The following ADAMTS9 variants were observed in gnomAD, a reference collection of about 807,000 sequenced individuals.
ADAMTS9 encodes ADAM metallopeptidase with thrombospondin type 1 motif 9.
In ADAMTS9, 107 loss-of-function variants were observed where a neutral mutation model predicts 257.1. The ratio of observed to expected loss-of-function variants is 0.42; its 90% CI spans 0.36 to 0.49. ADAMTS9 has a LOEUF of 0.49. Among genes scored for constraint, ADAMTS9 ranks in the 20% least tolerant of loss-of-function variants. The pLI, the probability that ADAMTS9 is intolerant of heterozygous loss-of-function variation, is 0.03. For missense variants in ADAMTS9, 2,353 were observed against 2,469.1 expected (o/e 0.95, Z 1.00); for synonymous variants, 982 against 880.9 (o/e 1.11, Z -2.03).
intron 3 of ADAMTS9, among the ~76,000 whole-genome samples, chr3:64,660,148 C>T (rs1701188481): frequency 6.6e-6 from 1 of 152,178 alleles, no homozygotes; most frequent in African/African-American, 2.4e-5. Flanking sequence ...TGCTTTAATG[C>T]TTTAATGCCA....
chr3:64,681,736 G>A (rs571694663), intron 2 of ADAMTS9, among the ~76,000 whole-genome samples: 1 of 152,120 alleles, frequency 6.6e-6, no homozygotes, highest in East Asian at 1.9e-4. Flanking sequence ...TAGAGATGGG[G>A]GTCTCAATAT....
intron 14 of ADAMTS9, among the ~76,000 whole-genome samples, chr3:64,632,775 C>A (rs927936099): frequency 6.7e-6 from 1 of 150,028 alleles, no homozygotes; most frequent in South Asian, 2.1e-4. Flanking sequence ...CTTAGGGGCT[C>A]TTTCAATCAA....
At chr3:64,619,054 G>C (rs772973430) in intron 19 of ADAMTS9, among the ~76,000 whole-genome samples, 3 of 152,070 alleles carry the variant, frequency 2.0e-5, no homozygotes, top group Non-Finnish European at 2.9e-5. Flanking sequence ...CCTCAAATTG[G>C]TGCTCCATGG....
At chr3:64,610,011 T>A (rs1559790294) in intron 22 of ADAMTS9, among the ~76,000 whole-genome samples, 8 of 152,184 alleles carry the variant, frequency 5.3e-5, no homozygotes, top group Admixed American at 4.6e-4. Context: ...GACCACTCAA[T>A]GGAGAGAGAA....
intron 27 of ADAMTS9, among the ~76,000 whole-genome samples, chr3:64,596,240 C>A (rs761389234): frequency 6.6e-6 from 1 of 152,182 alleles, no homozygotes; most frequent in Non-Finnish European, 1.5e-5. Flanking sequence ...GAGCTGAGAA[C>A]AGGACACGGT....
At chr3:64,594,580 A>G in intron 27 of ADAMTS9, 146 bp from the exon 28 acceptor site, 1 of 921,254 alleles carries the variant, frequency 1.1e-6, no homozygotes, top group Non-Finnish European at 1.7e-6. Context: ...AATTACCAAT[A>G]GTGATACGTA....
At chr3:64,664,604 T>C (rs1329183181) in intron 3 of ADAMTS9, among the ~76,000 whole-genome samples, 1 of 152,206 alleles carries the variant, frequency 6.6e-6, no homozygotes, top group Non-Finnish European at 1.5e-5. Flanking sequence ...CATGCATCAG[T>C]ATTCCATTAC....
chr3:64,565,407 C>G (rs1283133662), intron 29 of ADAMTS9: 1 of 152,146 alleles, frequency 6.6e-6, no homozygotes, highest in Non-Finnish European at 1.5e-5. Flanking sequence ...TTTTGTAGCA[C>G]TAAGAAAGAC....
Position 64,607,004 on chromosome 3 carries a change from C to T in ADAMTS9, c.3430G>A (p.Asp1144Asn), listed in dbSNP as rs779849301. The change falls in exon 23 of 40, where the codon GAT becomes AAT. Residue 1144 changes from aspartate (D) to asparagine (N), a missense_variant. By Grantham distance (23) the Asp-to-Asn change is conservative (BLOSUM62 1). This residue lies in a region of ADAMTS9 where 1,402 missense variants were observed against 1,441.4 expected (regional missense o/e 0.97). Coordinates refer to ENST00000498707, the MANE Select transcript of ADAMTS9 (RefSeq NM_182920.2). Reference sequence around the variant, plus strand: ...GTTGCTGCATTACAGTCATTGTCATCTACCACTGACATATAAGTCCCAATG... The same window carrying T: ...GTTGCTGCATTACAGTCATTGTCATTTACCACTGACATATAAGTCCCAATG... ...CIIGTYMSVV[D>N]DNDCNAATRP... 2 of 1,613,730 alleles carry T rather than the reference C, an allele frequency of 1.2e-6. No homozygotes were observed. Among genetic ancestry groups the T allele is most frequent in the Non-Finnish European group, 8.5e-7 (1 of 1,179,784 alleles).
intron 38 of ADAMTS9, among the ~76,000 whole-genome samples, chr3:64,531,555 C>T (rs768870727): frequency 6.6e-6 from 1 of 151,974 alleles, no homozygotes; most frequent in Non-Finnish European, 1.5e-5. Flanking sequence ...GCCCTCTTGA[C>T]ATCCTGGGCT....
intron 38 of ADAMTS9, among the ~76,000 whole-genome samples, chr3:64,526,015 T>C (rs887622373): frequency 6.8e-6 from 1 of 147,428 alleles, no homozygotes; most frequent in African/African-American, 2.5e-5. Context: ...TATATTTATA[T>C]AATATAATAT....
intron 12 of ADAMTS9, among the ~76,000 whole-genome samples, chr3:64,634,104 A>G (rs1296734195): frequency 6.6e-6 from 1 of 151,904 alleles, no homozygotes; most frequent in Non-Finnish European, 1.5e-5. Flanking sequence ...CTTCCCTTAT[A>G]TTTGCAAAAT....
intron 22 of ADAMTS9, 146 bp from the exon 23 acceptor site, chr3:64,607,225 A>T (rs1184736880): frequency 3.0e-5 from 28 of 934,198 alleles, no homozygotes; most frequent in Non-Finnish European, 4.3e-5. Context: ...GAAGTGGGCA[A>T]TCCTGCTCTG....
intron 29 of ADAMTS9, among the ~76,000 whole-genome samples, chr3:64,566,264 A>T (rs1475847579): frequency 6.6e-6 from 1 of 152,106 alleles, no homozygotes; most frequent in African/African-American, 2.4e-5. Context: ...TCCATTAACC[A>T]CTGGGTCTGA....
At chr3:64,527,210 G>A (rs933592255) in intron 38 of ADAMTS9, among the ~76,000 whole-genome samples, 3 of 152,096 alleles carry the variant, frequency 2.0e-5, no homozygotes, top group African/African-American at 7.2e-5. Flanking sequence ...ATTAAAGCAG[G>A]CCTTCTAAAA....
At chr3:64,665,693 G>A (rs1701337649) in intron 3 of ADAMTS9, among the ~76,000 whole-genome samples, 2 of 152,132 alleles carry the variant, frequency 1.3e-5, no homozygotes, top group Admixed American at 6.5e-5. Context: ...AGCACAGAGT[G>A]TGCCTGATTG....
chr3:64,673,537 G>A (rs975470060), intron 3 of ADAMTS9, among the ~76,000 whole-genome samples: 4 of 152,272 alleles, frequency 2.6e-5, no homozygotes, highest in South Asian at 2.1e-4. Context: ...GAAAAGTTGC[G>A]TAAGAGACAA....
chr3:64,558,131 C>T (rs1476528438), intron 30 of ADAMTS9, among the ~76,000 whole-genome samples: 1 of 152,180 alleles, frequency 6.6e-6, no homozygotes, highest in Non-Finnish European at 1.5e-5. Context: ...CAGTAAGAGG[C>T]TTGGCAAATC....
At chr3:64,594,175 C>A in intron 28 of ADAMTS9, 83 bp downstream of exon 28, 1 of 1,433,332 alleles carries the variant, frequency 7.0e-7, no homozygotes, top group East Asian at 2.3e-5. Context: ...GTAAGTGTGA[C>A]AATTATCTGC....
Sources: allele counts gnomAD v4.1 joint callset (sites outside exome capture counted in the v4.1 genomes callset), GRCh38; gene constraint gnomAD v4.1.1; regional missense constraint gnomAD v4.1.1; transcripts MANE v1.5; gene names NCBI Gene and HGNC (gene_info 2026-07-23, HGNC 2026-07-21).